The following MZT2A variants were observed in gnomAD, a reference collection of about 807,000 sequenced individuals.
MZT2A encodes the protein mitotic spindle organizing protein 2A, also known as mitotic-spindle organizing protein 2A.
A neutral mutation model predicts 12.4 loss-of-function variants in MZT2A; 8 were observed. The observed-to-expected ratio is 0.64, with a 90% confidence interval of 0.38 to 1.16. MZT2A has a LOEUF of 1.16. Ranked by LOEUF, MZT2A falls within the 50% of genes most tolerant of loss-of-function variation. The probability of loss-of-function intolerance (pLI) is 0.01; values close to 1 mark genes in which losing one functional copy is unlikely to be tolerated. For missense variants in MZT2A, 181 were observed against 223.6 expected (o/e 0.81, Z 1.22); for synonymous variants, 88 against 107.5 (o/e 0.82, Z 1.12).
chr2:131,492,839 T>A, upstream of MZT2A: 4 of 1,470,552 alleles, frequency 2.7e-6, no homozygotes, highest in Non-Finnish European at 3.6e-6. Flanking sequence ...CATTCCTTGC[T>A]AGGGAGAAAG....
downstream of MZT2A, chr2:131,479,330 C>A (rs749604025): frequency 1.9e-6 from 3 of 1,614,094 alleles, no homozygotes; most frequent in Non-Finnish European, 2.5e-6. Flanking sequence ...CAGGGACCTA[C>A]AGGCAGCTCT....
At chr2:131,474,074 A>G (rs1678559090) in intron 2 of MZT2A, among the ~76,000 whole-genome samples, 1 of 109,422 alleles carries the variant, frequency 9.1e-6, no homozygotes, top group African/African-American at 6.6e-5. Context: ...ACCAAAGACA[A>G]TGTAGACAAT....
intron 2 of MZT2A, chr2:131,476,154 G>A (rs1678658343): frequency 4.3e-6 from 7 of 1,613,488 alleles, no homozygotes; most frequent in East Asian, 2.2e-5. Context: ...TGTGGCAGCC[G>A]GTTGAGGTCT....
downstream of MZT2A, among the ~76,000 whole-genome samples, chr2:131,483,237 G>C (rs1470766618): frequency 6.6e-6 from 1 of 152,210 alleles, no homozygotes; most frequent in Non-Finnish European, 1.5e-5. Context: ...AGGGAGACTA[G>C]AAGTGTTGGA....
chr2:131,480,297 T>G, downstream of MZT2A: 1 of 1,613,540 alleles, frequency 6.2e-7, no homozygotes. Flanking sequence ...TGACTGTGCC[T>G]TCATGGTCGA....
At chr2:131,490,740 A>T (rs1679259932) in intron 2 of MZT2A, 2 of 1,546,892 alleles carry the variant, frequency 1.3e-6, no homozygotes, top group African/African-American at 2.8e-5. Flanking sequence ...AGGCAGCAAG[A>T]GAGGCGGAGG....
chr2:131,480,090 C>T (rs761856387), downstream of MZT2A: 15 of 1,604,288 alleles, frequency 9.3e-6, no homozygotes, highest in Non-Finnish European at 1.2e-5. Flanking sequence ...CACAGGACTG[C>T]AGGGCTTCCT....
At chr2:131,491,628 G>C (rs1253233642) in intron 2 of MZT2A, 1 of 628,138 alleles carries the variant, frequency 1.6e-6, no homozygotes, top group African/African-American at 1.9e-5. Context: ...GAGCTAAGCG[G>C]AGGAGCCCTA....
intron 2 of MZT2A, chr2:131,490,414 C>A: frequency 1.6e-6 from 2 of 1,234,200 alleles, no homozygotes; most frequent in Non-Finnish European, 2.1e-6. Context: ...ACACTGCACC[C>A]GGCTGGCTGT....
downstream of MZT2A, among the ~76,000 whole-genome samples, chr2:131,481,058 C>T (rs1274032140): frequency 3.3e-5 from 5 of 152,112 alleles, no homozygotes; most frequent in South Asian, 2.1e-4. Context: ...TACCCGCTAC[C>T]ACGCCCGGCT....
In MZT2A at chr2:131,483,974, T is replaced by C. The variant is rs140730462; in HGVS notation, c.*87A>G. 485 of 1,506,198 alleles carry C rather than the reference T, an allele frequency of 3.2e-4. 3 individuals carry two copies. In the African/African-American group the frequency reaches 5.9e-3, roughly 18 times the overall value. The allele number at this position is 1,506,198 out of a possible 1,614,324, so 93.3% of individuals were successfully genotyped here. On this transcript the variant is annotated 3_prime_UTR_variant, in exon 3 of 3. Coordinates refer to ENST00000309451, the MANE Select transcript of MZT2A (RefSeq NM_001085365.2). ...TAGAGAGCATCTGACCTGGACCCTC[T>C]GCATCTCAGAAAGGTTTATTATCAA...
rs536034509 is a variant in MZT2A, at chr2:131,472,576, C to G, written c.279-394G>C. 4.5e-3 allele frequency among the ~76,000 whole-genome samples: 688 copies of G among 152,070 alleles called. 2 individuals carry two copies. The highest frequency in any genetic ancestry group is 6.8e-3 in the Middle Eastern group (2 of 294). Reference sequence around the variant, plus strand: ...TCAACAACAGACAGCATATATATAACAGTGGTCCCATAAAGTTATAATACC... The same window carrying G: ...TCAACAACAGACAGCATATATATAAGAGTGGTCCCATAAAGTTATAATACC... On this transcript the variant is annotated intron_variant and NMD_transcript_variant, in intron 2 of 4. Transcript: ENST00000427024.
At chr2:131,481,065 G>A (rs867685950), downstream of MZT2A, among the ~76,000 whole-genome samples, 67 of 151,952 alleles carry the variant, frequency 4.4e-4, no homozygotes, top group Middle Eastern at 3.4e-3. Context: ...TACCACGCCC[G>A]GCTAATTTTT....
chr2:131,483,958 T>A (rs559140113), downstream of MZT2A: 29 of 1,458,384 alleles, frequency 2.0e-5, no homozygotes, highest in East Asian at 6.9e-4. Context: ...GTAGAGAGCA[T>A]CTGACCTGGA....
intron 2 of MZT2A, among the ~76,000 whole-genome samples, chr2:131,474,199 G>T (rs1397444223): frequency 2.0e-5 from 3 of 150,998 alleles, no homozygotes; most frequent in Non-Finnish European, 4.4e-5. Context: ...CCGGGTTCAT[G>T]CCATCCTCCT....
At chr2:131,484,969 G>A (rs746968069) in intron 2 of MZT2A, among the ~76,000 whole-genome samples, 34 of 152,152 alleles carry the variant, frequency 2.2e-4, no homozygotes, top group Non-Finnish European at 4.0e-4. Flanking sequence ...AACCACACTC[G>A]GGCCAGAGCT....
At chr2:131,490,809 C>T (rs1679263674) in intron 2 of MZT2A, 21 of 1,549,830 alleles carry the variant, frequency 1.4e-5, no homozygotes, top group Non-Finnish European at 1.8e-5. Flanking sequence ...TGGAGCATAA[C>T]CAGAGAGGCC....
At chr2:131,486,127 A>G (rs1392660159) in intron 2 of MZT2A, among the ~76,000 whole-genome samples, 11 of 150,790 alleles carry the variant, frequency 7.3e-5, no homozygotes, top group Non-Finnish European at 1.3e-4. Flanking sequence ...GCCAAGGAGG[A>G]GCGCAGTCAG....
chr2:131,479,452 A>C (rs748109018), downstream of MZT2A: 1 of 1,614,112 alleles, frequency 6.2e-7, no homozygotes, highest in East Asian at 2.2e-5. Flanking sequence ...CGGATCCGCA[A>C]ACTGGTAAGA....
Sources: allele counts gnomAD v4.1 joint callset (sites outside exome capture counted in the v4.1 genomes callset), GRCh38; gene constraint gnomAD v4.1.1; transcripts MANE v1.5; gene names NCBI Gene and HGNC (gene_info 2026-07-23, HGNC 2026-07-21).